EIF3B: variants seen among roughly 807,000 people sequenced by gnomAD.
EIF3B encodes eukaryotic translation initiation factor 3 subunit 9.
Under a neutral mutation model 104.6 loss-of-function variants are expected in EIF3B, and 10 were observed. The observed-to-expected ratio is 0.10, with a 90% confidence interval of 0.06 to 0.16. EIF3B has a LOEUF of 0.16. Ranked by LOEUF, EIF3B falls within the 10% of genes least tolerant of loss-of-function variation. EIF3B has a pLI of 1.00. For synonymous variants in EIF3B, 542 were observed against 417.2 expected (o/e 1.30, Z -3.65); for missense variants, 1,014 against 1,087.9 (o/e 0.93, Z 0.96).
rs774464816 is a variant in EIF3B at position 2,366,360 on chromosome 7, C to T, written c.1201C>T (p.Pro401Ser). 8 of 1,613,612 alleles carry T rather than the reference C, an allele frequency of 5.0e-6. No homozygotes were observed. Among genetic ancestry groups the T allele is most frequent in the Non-Finnish European group, 6.8e-6 (8 of 1,179,882 alleles). ...FSPLMDTQDD[P>S]QAIIIWDILT... is the part of the protein sequence containing the mutation. ...CCCCCTGATGGACACGCAGGATGACCCTCAGGCCATAATCATCTGGGACAT... is the reference window on the plus strand; with the variant it reads ...CCCCCTGATGGACACGCAGGATGACTCTCAGGCCATAATCATCTGGGACAT... Residue 401 changes from proline (P) to serine (S), a missense_variant, in exon 7 of 19, where the codon CCT (proline) becomes TCT (serine). Physicochemically the swap from Pro to Ser is moderately conservative, Grantham distance 74. This residue lies in a region of EIF3B where 201 missense variants were observed against 240.7 expected (regional missense o/e 0.83). Coordinates refer to ENST00000360876, the MANE Select transcript of EIF3B (RefSeq NM_001037283.2).
upstream of EIF3B, among the ~76,000 whole-genome samples, chr7:2,354,571 A>G (rs913779333): frequency 9.2e-5 from 14 of 152,226 alleles, no homozygotes; most frequent in African/African-American, 3.1e-4. Context: ...CGGGAAAGGA[A>G]AGGGGGAGGA....
chr7:2,361,105 A>C (rs867818041), intron 2 of EIF3B, among the ~76,000 whole-genome samples: 2 of 152,134 alleles, frequency 1.3e-5, no homozygotes, highest in African/African-American at 2.4e-5. Flanking sequence ...TAAGGTTTTA[A>C]AGTTTTTAAA....
At chr7:2,373,888 C>G (rs1181716743) in intron 12 of EIF3B, 4 of 152,220 alleles carry the variant, frequency 2.6e-5, no homozygotes, top group Non-Finnish European at 5.9e-5. Flanking sequence ...GGTGCACTGC[C>G]CTCCCACATC....
At chr7:2,375,578 TGG>T in intron 14 of EIF3B, 51 bp downstream of exon 14, 1 of 1,610,902 alleles carries the variant, frequency 6.2e-7, no homozygotes, top group Admixed American at 1.7e-5. Context: ...CAGGGAGTGC[TGG>T]CTAGCTGCTG....
At chr7:2,354,445 C>T (rs1444924485), upstream of EIF3B, 1 of 152,208 alleles carries the variant, frequency 6.6e-6, no homozygotes, top group Non-Finnish European at 1.5e-5. Context: ...CTCCACTCTT[C>T]CAGGGTATTA....
chr7:2,378,698 A>C lies in EIF3B; in HGVS notation c.2164A>C (p.Lys722Gln). The change falls in exon 16 of 19, where the codon AAG becomes CAG. Residue 722 changes from lysine (K) to glutamine (Q), a missense_variant. This residue lies in a region of EIF3B where 266 missense variants were observed against 324.0 expected (regional missense o/e 0.82). Coordinates refer to ENST00000360876, the MANE Select transcript of EIF3B (RefSeq NM_001037283.2). ...LSQEQIKQIK[K>Q]DLKKYSKIFE... The stretch of plus-strand genomic sequence containing the variant: ...GGGTCTTTTGTTTCAGCAAATTAAA[A>C]AGGATCTGAAGAAATACTCTAAGAT... The C allele has an allele frequency of 6.2e-7, 1 of 1,613,948 alleles. No homozygotes were observed. Among genetic ancestry groups the C allele is most frequent in the African/African-American group, 1.3e-5 (1 of 75,058 alleles).
In EIF3B at chr7:2,376,611, G is replaced by C. The variant is rs531072756; in HGVS notation, c.2029-339G>C. The C allele has an allele frequency of 6.5e-5, 16 of 246,332 alleles. No homozygotes were observed. In the East Asian group the frequency reaches 1.7e-3, roughly 26 times the overall value. The allele number at this position is 246,332 out of a possible 1,614,324, so 15.3% of individuals were successfully genotyped here. On this transcript the variant is annotated intron_variant, in intron 14 of 18. Transcript: ENST00000360876. The stretch of plus-strand genomic sequence containing the variant: ...TGCAGTTAGCTTACGTTTGGCACAG[G>C]GTTCAGTCCAGTTTAAATCCAGCAC...
At chr7:2,357,247 G>C (rs1396377778) in intron 1 of EIF3B, among the ~76,000 whole-genome samples, 1 of 152,198 alleles carries the variant, frequency 6.6e-6, no homozygotes, top group African/African-American at 2.4e-5. Flanking sequence ...GGCCAGGCTG[G>C]GTGACGGCTG....
In EIF3B at chr7:2,360,701, C is replaced by G. The variant is rs1562476827; in HGVS notation, c.500-9C>G. 5.7e-6 allele frequency: 9 copies of G among 1,569,914 alleles called. No individual in the cohort carries two copies. Among genetic ancestry groups the G allele is most frequent in the Admixed American group, 3.6e-5 (2 of 55,430 alleles). Reference sequence around the variant, plus strand: ...AAAAATGATCATTTGAAAAATCTCTCTTGTTCAGAATTACTGGGAGATGTA... The same window carrying G: ...AAAAATGATCATTTGAAAAATCTCTGTTGTTCAGAATTACTGGGAGATGTA... On this transcript the variant is annotated splice_polypyrimidine_tract_variant and intron_variant, in intron 1 of 18. Coordinates refer to ENST00000360876, the MANE Select transcript of EIF3B (RefSeq NM_001037283.2).
At chr7:2,354,650 C>T (rs536084304), upstream of EIF3B, among the ~76,000 whole-genome samples, 10 of 152,340 alleles carry the variant, frequency 6.6e-5, no homozygotes, top group South Asian at 1.0e-3. Context: ...TTTACTGATG[C>T]ACAGAAACAA....
In EIF3B at chr7:2,369,361, T is replaced by C. The variant is rs549064666; in HGVS notation, c.1404-111T>C. On this transcript the variant is annotated intron_variant, in intron 9 of 18. Coordinates refer to ENST00000360876, the MANE Select transcript of EIF3B (RefSeq NM_001037283.2). Reference sequence around the variant, plus strand: ...TGCAGAGGGAGCGCTCAGCGTCAGCTGTGACAGCATTGAGCTTCTATATAG... The same window carrying C: ...TGCAGAGGGAGCGCTCAGCGTCAGCCGTGACAGCATTGAGCTTCTATATAG... The C allele has an allele frequency of 1.1e-4, 130 of 1,163,594 alleles. 1 individual carries two copies. The African/African-American group carries it at 1.9e-3, about 17-fold the overall frequency. 72.1% of individuals were successfully genotyped at this position (1,163,594 alleles called of 1,614,324 possible). A position where few individuals can be genotyped will look rare whatever the true frequency, so the allele number is the denominator to read the frequency against.
chr7:2,380,591 G>A lies in EIF3B; in HGVS notation c.*402G>A, dbSNP rs1430032442. ...CTGTACACAGCCGAGCAGCATTTCCGTTGAAGGACTTGCATCCCCATTGCG... is the reference window on the plus strand; with the variant it reads ...CTGTACACAGCCGAGCAGCATTTCCATTGAAGGACTTGCATCCCCATTGCG... On this transcript the variant is annotated 3_prime_UTR_variant, in exon 19 of 19. Transcript: ENST00000360876. 7 of 343,532 alleles carry A rather than the reference G, an allele frequency of 2.0e-5. No homozygotes were observed. Among genetic ancestry groups the A allele is most frequent in the South Asian group, 4.3e-5 (2 of 45,998 alleles). 21.3% of individuals were successfully genotyped at this position (343,532 alleles called of 1,614,324 possible).
rs115749169 is a variant in EIF3B, at chr7:2,375,960, A to G, written c.2028+433A>G. On this transcript the variant is annotated intron_variant, in intron 14 of 18. Coordinates refer to ENST00000360876, the MANE Select transcript of EIF3B (RefSeq NM_001037283.2). ...TGTCAAGGACTTTCAGTATTTAGTG[A>G]CTTGTAAAAACATTGATGGAGGCAC... 650 of 168,492 alleles carry G rather than the reference A, an allele frequency of 3.9e-3. 4 individuals are homozygous for G. Among genetic ancestry groups the G allele is most frequent in the African/African-American group, 0.014 (607 of 42,246 alleles). 10.4% of individuals were successfully genotyped at this position (168,492 alleles called of 1,614,324 possible). A position where few individuals can be genotyped will look rare whatever the true frequency, so the allele number is the denominator to read the frequency against.
intron 2 of EIF3B, 65 bp from the exon 3 acceptor site, chr7:2,362,580 G>A (rs181640069): frequency 1.2e-4 from 198 of 1,594,502 alleles, no homozygotes; most frequent in Admixed American, 6.6e-4. Flanking sequence ...GAGGGGTGGG[G>A]CGGACAGCGC....
chr7:2,371,141 C>T (rs1181455570), intron 10 of EIF3B, among the ~76,000 whole-genome samples: 1 of 152,230 alleles, frequency 6.6e-6, no homozygotes, highest in African/African-American at 2.4e-5. Context: ...CCGCCCAGCT[C>T]CTGGCATCAC....
chr7:2,366,350 G>T lies in EIF3B; in HGVS notation c.1191G>T (p.Thr397=). ...YLVTFSPLMD[T]QDDPQAIIIW... ...TGACCTTTAGCCCCCTGATGGACAC[G>T]CAGGATGACCCTCAGGCCATAATCA... Residue 397 remains threonine (T), a synonymous_variant, in exon 7 of 19, where the codon ACG becomes ACT. Coordinates refer to ENST00000360876, the MANE Select transcript of EIF3B (RefSeq NM_001037283.2). 6.2e-7 allele frequency: 1 copy of T among 1,612,978 alleles called. No homozygotes were observed. Among genetic ancestry groups the T allele is most frequent in the Non-Finnish European group, 8.5e-7 (1 of 1,179,540 alleles).
chr7:2,355,022 T>C lies in EIF3B; in HGVS notation c.101T>C (p.Leu34Pro), dbSNP rs1779314724. 8.4e-7 allele frequency: 1 copy of C among 1,185,668 alleles called. No homozygotes were observed. Among genetic ancestry groups the C allele is most frequent in the South Asian group, 4.1e-5 (1 of 24,190 alleles). The allele number at this position is 1,185,668 out of a possible 1,614,324, so 73.4% of individuals were successfully genotyped here. A position where few individuals can be genotyped will look rare whatever the true frequency, so the allele number is the denominator to read the frequency against. Residue 34 changes from leucine to proline, a missense_variant, in exon 1 of 19, where the codon CTG (leucine) becomes CCG (proline). Physicochemically the swap from Leu to Pro is moderately conservative, Grantham distance 98. This residue lies in a region of EIF3B where 488 missense variants were observed against 404.3 expected (regional missense o/e 1.21). Transcript: ENST00000360876. ...PAAEPPPAEGLLRPAGPGAPE... is the reference protein window; with the variant it reads ...PAAEPPPAEGPLRPAGPGAPE... ...GCCGAGCCGCCGCCAGCCGAGGGGC[T>C]GCTGCGGCCCGCGGGGCCCGGCGCT...
chr7:2,367,995 A>G (rs943680110), intron 9 of EIF3B, among the ~76,000 whole-genome samples: 1 of 151,504 alleles, frequency 6.6e-6, no homozygotes, highest in Non-Finnish European at 1.5e-5. Context: ...GGTGCCTGCC[A>G]CCATGCCTAG....
rs574769739 is a variant in EIF3B at position 2,375,494 on chromosome 7, C to T, written c.1995C>T (p.Tyr665=). ...TCGAATGGGATCCTACTGGGCGCTACGTCGTCACCTCTGTGTCCTGGTGGA... is the reference window on the plus strand; with the variant it reads ...TCGAATGGGATCCTACTGGGCGCTATGTCGTCACCTCTGTGTCCTGGTGGA... The part of the protein sequence containing the change: ...SDVEWDPTGR[Y]VVTSVSWWSH... The change falls in exon 14 of 19, where the codon TAC becomes TAT. Residue 665 remains tyrosine (Y), a synonymous_variant. Coordinates refer to ENST00000360876, the MANE Select transcript of EIF3B (RefSeq NM_001037283.2). 1.6e-5 allele frequency: 26 copies of T among 1,614,230 alleles called. No individual in the cohort carries two copies. The highest frequency in any genetic ancestry group is 7.7e-5 in the South Asian group (7 of 91,086).
Sources: allele counts gnomAD v4.1 joint callset (sites outside exome capture counted in the v4.1 genomes callset), GRCh38; gene constraint gnomAD v4.1.1; regional missense constraint gnomAD v4.1.1; transcripts MANE v1.5; gene names NCBI Gene and HGNC (gene_info 2026-07-23, HGNC 2026-07-21).